The following DCAF8L2 variants were observed in gnomAD, a reference collection of about 807,000 sequenced individuals.
The protein encoded by DCAF8L2 is DDB1- and CUL4-associated factor 8-like protein 2.
For synonymous variants in DCAF8L2, 200 were observed against 190.9 expected (o/e 1.05, Z -0.39); for missense variants, 430 against 490.7 (o/e 0.88, Z 1.17).
intron 3 of DCAF8L2, among the ~76,000 whole-genome samples, chrX:27,710,255 G>T (rs1259935387): frequency 9.0e-5 from 10 of 111,163 alleles, no homozygotes. Flanking sequence ...AAAGTGCTTT[G>T]GGCAGGCATT....
chrX:27,553,731 A>G, the DCAF8L2 span, among the ~76,000 whole-genome samples: 3 of 111,077 alleles, frequency 2.7e-5, no homozygotes, highest in Non-Finnish European at 3.8e-5. Context: ...GTAAGGGTTT[A>G]CTACAGCCAT....
At chrX:27,563,431 C>T in the DCAF8L2 span, among the ~76,000 whole-genome samples, 1 of 112,080 alleles carries the variant, frequency 8.9e-6, no homozygotes, top group Non-Finnish European at 1.9e-5. Context: ...CAGAGTTCCA[C>T]TAGCCTTGAG....
In DCAF8L2 at chrX:27,656,718, G is replaced by A. The variant is rs758575913; in HGVS notation, c.-219-21118G>A. On this transcript the variant is annotated intron_variant, in intron 2 of 4. Transcript: ENST00000451261. The stretch of plus-strand genomic sequence containing the variant: ...TATTCTTTTCTTAGGATTAGCAGAG[G>A]CATAAATGTGTAAGTGAAACATACG... Among the ~76,000 whole-genome samples, 6 of 111,656 alleles carry A rather than the reference G, an allele frequency of 5.4e-5. No homozygotes were observed. In the South Asian group the frequency reaches 2.3e-3, roughly 42 times the overall value.
chrX:27,598,493 C>CCGGG (rs1408469600), intron 1 of DCAF8L2, among the ~76,000 whole-genome samples: 1 of 112,464 alleles, frequency 8.9e-6, no homozygotes, highest in Non-Finnish European at 1.9e-5. Flanking sequence ...CCCCCGCTAG[C>CCGGG]CGGGCTGTAA....
intron 3 of DCAF8L2, chrX:27,712,642 A>G (rs1008362185): frequency 3.6e-5 from 4 of 111,713 alleles, no homozygotes; most frequent in Non-Finnish European, 7.5e-5. Flanking sequence ...GACTGCAGCT[A>G]CTCTCAGGTA....
At chrX:27,577,671 C>T in the DCAF8L2 span, among the ~76,000 whole-genome samples, 3 of 111,505 alleles carry the variant, frequency 2.7e-5, no homozygotes, top group African/African-American at 9.8e-5. Flanking sequence ...AGGCCAAAAG[C>T]TTCTTAAGCT....
At chrX:27,553,958 C>T in the DCAF8L2 span, among the ~76,000 whole-genome samples, 1 of 108,409 alleles carries the variant, frequency 9.2e-6, no homozygotes, top group African/African-American at 3.3e-5. Flanking sequence ...TGCAATGCCT[C>T]TGGCATGTAA....
At chrX:27,528,515 CAT>C in the DCAF8L2 span, among the ~76,000 whole-genome samples, 3 of 103,800 alleles carry the variant, frequency 2.9e-5, no homozygotes, top group Non-Finnish European at 5.9e-5. Context: ...CACACACACA[CAT>C]ACACATATAT....
intron 3 of DCAF8L2, among the ~76,000 whole-genome samples, chrX:27,713,160 G>A (rs912684232): frequency 9.0e-6 from 1 of 111,603 alleles, no homozygotes; most frequent in Non-Finnish European, 1.9e-5. Context: ...TTTATGTAAA[G>A]AAGAACAAAG....
chrX:27,497,620 G>C, the DCAF8L2 span, among the ~76,000 whole-genome samples: 1 of 105,410 alleles, frequency 9.5e-6, no homozygotes, highest in Non-Finnish European at 1.9e-5. Flanking sequence ...CCAGGCTGGA[G>C]TGCAGTGGGG....
At chrX:27,616,024 T>A (rs919443493) in intron 1 of DCAF8L2, among the ~76,000 whole-genome samples, 1 of 111,152 alleles carries the variant, frequency 9.0e-6, no homozygotes, top group Non-Finnish European at 1.9e-5. Flanking sequence ...GACATTTAAA[T>A]TTTTTTCAGC....
intron 4 of DCAF8L2, among the ~76,000 whole-genome samples, chrX:27,722,729 G>T (rs1010649800): frequency 9.0e-6 from 1 of 110,626 alleles, no homozygotes; most frequent in Non-Finnish European, 1.9e-5. Flanking sequence ...ATAAAAGCAG[G>T]AGGATAACAA....
At chrX:27,595,995 C>T (rs778114341) in intron 1 of DCAF8L2, among the ~76,000 whole-genome samples, 11 of 111,672 alleles carry the variant, frequency 9.9e-5, no homozygotes, top group Middle Eastern at 4.7e-3. Context: ...TGCCATGGCA[C>T]CCCAGCCTGT....
the DCAF8L2 span, among the ~76,000 whole-genome samples, chrX:27,550,501 A>C: frequency 0.096 from 10,634 of 110,742 alleles, 408 homozygotes; most frequent in Non-Finnish European, 0.12. Flanking sequence ...CAGCCTATCA[A>C]CTCAAACCTT....
the DCAF8L2 span, among the ~76,000 whole-genome samples, chrX:27,474,850 C>A: frequency 9.0e-6 from 1 of 111,032 alleles, no homozygotes; most frequent in Non-Finnish European, 1.9e-5. Context: ...ACAAAAGACA[C>A]GAGTGACTCC....
intron 2 of DCAF8L2, among the ~76,000 whole-genome samples, chrX:27,661,539 C>T (rs1364000577): frequency 9.0e-6 from 1 of 111,456 alleles, no homozygotes; most frequent in African/African-American, 3.3e-5. Context: ...TTTGTTTTCC[C>T]AATGTTCCTG....
chrX:27,633,621 A>G (rs1444214230), intron 2 of DCAF8L2: 3 of 111,766 alleles, frequency 2.7e-5, no homozygotes, highest in Non-Finnish European at 5.6e-5. Context: ...CAGGGCAGAC[A>G]TAATATTCTC....
the DCAF8L2 span, among the ~76,000 whole-genome samples, chrX:27,488,216 A>AT: frequency 5.4e-5 from 6 of 110,824 alleles, no homozygotes; most frequent in Non-Finnish European, 1.1e-4. Flanking sequence ...TCTCCATGGC[A>AT]TTTTACCTTG....
chrX:27,697,447 T>C (rs1162076941), intron 3 of DCAF8L2, among the ~76,000 whole-genome samples: 1 of 111,410 alleles, frequency 9.0e-6, no homozygotes, highest in African/African-American at 3.3e-5. Flanking sequence ...ACACATATTC[T>C]GTACACCTTC....
Sources: gnomAD v4.1 joint callset for allele counts (sites outside exome capture counted in the v4.1 genomes callset) on GRCh38, gnomAD v4.1.1 for gene constraint, MANE v1.5 for transcripts, NCBI Gene and HGNC (gene_info 2026-07-23, HGNC 2026-07-21) for gene names.